SGCA: variants seen among roughly 807,000 people sequenced by gnomAD.
SGCA encodes the protein sarcoglycan alpha.
In SGCA, 34 loss-of-function variants were observed where a neutral mutation model predicts 38.1. The observed-to-expected ratio is 0.89, with a 90% CI of 0.68 to 1.19. The LOEUF is 1.19. SGCA is among the 50% of genes most tolerant of loss of function. The probability of loss-of-function intolerance (pLI) is 0.00; values close to 1 mark genes in which losing one functional copy is unlikely to be tolerated. For synonymous variants in SGCA, 209 were observed against 214.6 expected, an observed-to-expected ratio of 0.97 and a Z score of 0.23; for missense variants, 476 against 524.9, an observed-to-expected ratio of 0.91 and a Z score of 0.91.
At chr17:50,169,443 A>ACACACACC (rs902593929) in intron 6 of SGCA, 189 bp downstream of exon 6, 2 of 588,730 alleles carry the variant, frequency 3.4e-6, no homozygotes, top group South Asian at 4.1e-5. Context: ...ACACACACAC[A>ACACACACC]CACCCCTGAA....
intron 1 of SGCA, among the ~76,000 whole-genome samples, chr17:50,166,729 A>ACTTG (rs1904850898): frequency 1.0e-5 from 1 of 98,998 alleles, no homozygotes; most frequent in Non-Finnish European, 2.0e-5. Flanking sequence ...ACACACCCTC[A>ACTTG]CACACACCCT....
In SGCA at chr17:50,175,297, G is replaced by A; in HGVS notation, c.1024G>A (p.Glu342Lys). The change falls in exon 9 of 10, where the codon GAG becomes AAG. Residue 342 changes from glutamate (E) to lysine (K), a missense_variant. Physicochemically the swap from Glu to Lys is moderately conservative, Grantham distance 56. Transcript: ENST00000262018. Reference protein sequence around the residue: ...VHHCTIHGNTEELRQMAASRE... With the variant: ...VHHCTIHGNTKELRQMAASRE... ...CCACTGCACCATCCACGGGAACACAGAGGAGCTGCGGCAGATGGCGGCCAG... is the reference window on the plus strand; with the variant it reads ...CCACTGCACCATCCACGGGAACACAAAGGAGCTGCGGCAGATGGCGGCCAG... 9 of 1,608,770 alleles carry A rather than the reference G, an allele frequency of 5.6e-6. No homozygotes were observed. Among genetic ancestry groups the A allele is most frequent in the Non-Finnish European group, 7.6e-6 (9 of 1,178,210 alleles).
chr17:50,168,099 A>G (rs1283129938), intron 4 of SGCA, 80 bp downstream of exon 4: 1 of 1,373,996 alleles, frequency 7.3e-7, no homozygotes, highest in African/African-American at 1.4e-5. Flanking sequence ...GGGGCTGTGG[A>G]CAGGAGAGGC....
chr17:50,166,162 C>T, intron 1 of SGCA, 85 bp downstream of exon 1: 2 of 1,163,096 alleles, frequency 1.7e-6, no homozygotes, highest in Non-Finnish European at 2.6e-6. Context: ...GGAGGGCCCA[C>T]AGAAGAGGGA....
In SGCA at chr17:50,167,035, C is replaced by T. The variant is rs968086175; in HGVS notation, c.38-333C>T. Among the ~76,000 whole-genome samples, 1 of 137,556 alleles carries T rather than the reference C, an allele frequency of 7.3e-6. No homozygotes were observed. The highest frequency in any genetic ancestry group is 2.4e-4 in the East Asian group (1 of 4,186). 90.2% of individuals were successfully genotyped at this position (137,556 alleles called of 152,430 possible). A position where few individuals can be genotyped will look rare whatever the true frequency, so the allele number is the denominator to read the frequency against. On this transcript the variant is annotated intron_variant, in intron 1 of 9. Coordinates refer to ENST00000262018, the MANE Select transcript of SGCA (RefSeq NM_000023.4). The surrounding 1 kb of genome is among the most constrained non-coding windows in gnomAD (Gnocchi z 4.5). ...CACATACCTTCACACACACACCCCC[C>T]CACATCCCCTCACACACACACACAC...
chr17:50,169,284 G>GGT, intron 6 of SGCA, 30 bp downstream of exon 6: 2 of 1,588,644 alleles, frequency 1.3e-6, no homozygotes, highest in Non-Finnish European at 1.7e-6. Flanking sequence ...CCGGGGGTGG[G>GGT]GTGGGGCATG....
At chr17:50,169,445 A>C (rs956541888) in intron 6 of SGCA, 191 bp downstream of exon 6, 29 of 574,590 alleles carry the variant, frequency 5.0e-5, no homozygotes, top group African/African-American at 1.3e-4. Flanking sequence ...ACACACACAC[A>C]CCCCTGAAGT....
In SGCA at chr17:50,170,906, A is replaced by T. The variant is rs2696294; in HGVS notation, c.983+240A>T. ...GAGACCCCATCTCAACAAAAAAAAAATTTTTTAACTAGCCAGGCGTGGTGG... is the reference window on the plus strand; with the variant it reads ...GAGACCCCATCTCAACAAAAAAAAATTTTTTTAACTAGCCAGGCGTGGTGG... On this transcript the variant is annotated intron_variant, in intron 8 of 9. Transcript: ENST00000262018. Among the ~76,000 whole-genome samples the T allele has an allele frequency of 0.96, 145,893 of 152,200 alleles. 70,205 individuals are homozygous for T. The highest frequency in any genetic ancestry group is 1 in the Non-Finnish European group (67,941 of 68,006).
At chr17:50,168,940 T>C in intron 5 of SGCA, 152 bp from the exon 6 acceptor site, 2 of 735,432 alleles carry the variant, frequency 2.7e-6, no homozygotes, top group South Asian at 1.5e-5. Context: ...AGCTGTGCCA[T>C]GTTCCTCCCT....
Position 50,170,346 on chromosome 17 carries a change from G to A in SGCA, c.951G>A (p.Glu317=). ...LLAYVMCCRR[E]GRLKRDLATS... ...CCTATGTCATGTGCTGCCGGCGGGAGGGAAGGTGAATGTGGGCATGAAGGG... is the reference window on the plus strand; with the variant it reads ...CCTATGTCATGTGCTGCCGGCGGGAAGGAAGGTGAATGTGGGCATGAAGGG... Residue 317 remains glutamate (E), a synonymous_variant, in exon 7 of 10, where the codon GAG becomes GAA. Coordinates refer to ENST00000262018, the MANE Select transcript of SGCA (RefSeq NM_000023.4). 2 of 1,613,404 alleles carry A rather than the reference G, an allele frequency of 1.2e-6. No homozygotes were observed. The highest frequency in any genetic ancestry group is 8.5e-7 in the Non-Finnish European group (1 of 1,179,364).
At chr17:50,166,236 A>T in intron 1 of SGCA, 159 bp downstream of exon 1, 2 of 686,682 alleles carry the variant, frequency 2.9e-6, no homozygotes, top group Non-Finnish European at 2.7e-6. Flanking sequence ...CCAGCTGGGG[A>T]TCCAGGGAAT....
At position 50,170,260 on chromosome 17, in the gene SGCA, G is replaced by T; in HGVS notation, c.865G>T (p.Asp289Tyr). 6.2e-7 allele frequency: 1 copy of T among 1,614,216 alleles called. No homozygotes were observed. The highest frequency in any genetic ancestry group is 8.5e-7 in the Non-Finnish European group (1 of 1,180,042). The change falls in exon 7 of 10, where the codon GAT becomes TAT. Residue 289 changes from aspartate to tyrosine, a missense_variant. Asp to Tyr is a radical substitution (Grantham distance 160). Coordinates refer to ENST00000262018, the MANE Select transcript of SGCA (RefSeq NM_000023.4). ...TEAPDRDFLV[D>Y]ALVTLLVPLL... Reference sequence around the variant, plus strand: ...GGCCCCAGACCGTGACTTCTTGGTGGATGCTCTGGTCACCCTCCTGGTGCC... The same window carrying T: ...GGCCCCAGACCGTGACTTCTTGGTGTATGCTCTGGTCACCCTCCTGGTGCC...
At position 50,175,332 on chromosome 17, in the gene SGCA, G is replaced by T; in HGVS notation, c.1059G>T (p.Val353=). ...ELRQMAASRE[V]PRPLSTLPMF... ...GGCAGATGGCGGCCAGCCGCGAGGT[G>T]CCCCGGCCACTCTCCACCCTGCCCA... Residue 353 remains valine (V), a synonymous_variant, in exon 9 of 10, where the codon GTG becomes GTT. Coordinates refer to ENST00000262018, the MANE Select transcript of SGCA (RefSeq NM_000023.4). 1 of 1,610,466 alleles carries T rather than the reference G, an allele frequency of 6.2e-7. No individual in the cohort carries two copies.
rs746116353 is a variant in SGCA, at chr17:50,167,343, T to C, written c.38-25T>C. 6.2e-7 allele frequency: 1 copy of C among 1,613,954 alleles called. No homozygotes were observed. The highest frequency in any genetic ancestry group is 1.1e-5 in the South Asian group (1 of 91,066). On this transcript the variant is annotated intron_variant, in intron 1 of 9. Transcript: ENST00000262018. This position sits in a 1 kb window ranked among gnomAD's most constrained non-coding sequence, Gnocchi z 4.5. The stretch of plus-strand genomic sequence containing the variant: ...CCCAGGACTGAGGCTGGCCTGTGTG[T>C]TTGGGACTTGTGGGGTCCCCACAGT...
intron 8 of SGCA, among the ~76,000 whole-genome samples, chr17:50,174,778 G>A (rs931746865): frequency 6.6e-6 from 1 of 152,206 alleles, no homozygotes; most frequent in South Asian, 2.1e-4. Flanking sequence ...TGACCACTGG[G>A]CACTGAGCAG....
chr17:50,172,688 C>T (rs1415180695), intron 8 of SGCA, among the ~76,000 whole-genome samples: 1 of 152,172 alleles, frequency 6.6e-6, no homozygotes, highest in Non-Finnish European at 1.5e-5. Context: ...TCTTGACCCA[C>T]TGGGTTTTTG....
Position 50,169,238 on chromosome 17 carries a change from G to T in SGCA, c.731G>T (p.Trp244Leu). ...DTLAPHFRVD[W>L]CNVTLVDKSV... ...TTGGCACCCCACTTCCGCGTTGACT[G>T]GTGCAATGTGACCCTGGTGAGGAGG... The change falls in exon 6 of 10, where the codon TGG becomes TTG. Residue 244 changes from tryptophan (W) to leucine (L), a missense_variant. Transcript: ENST00000262018. The T allele has an allele frequency of 6.2e-7, 1 of 1,613,400 alleles. No individual in the cohort carries two copies. The highest frequency in any genetic ancestry group is 1.3e-5 in the African/African-American group (1 of 75,002).
chr17:50,167,633 C>G lies in SGCA; in HGVS notation c.209C>G (p.Pro70Arg), dbSNP rs1555568318. 6.2e-7 allele frequency: 1 copy of G among 1,613,946 alleles called. No homozygotes were observed. Among genetic ancestry groups the G allele is most frequent in the Non-Finnish European group, 8.5e-7 (1 of 1,180,008 alleles). ...ITYHAHLQGH[P>R]DLPRWLRYTQ... is the part of the protein sequence containing the mutation. ...TACCACGCCCACCTCCAGGGACACC[C>G]AGACCTGCCCCGGTGGCTCCGCTAC... Residue 70 changes from proline (P) to arginine (R), a missense_variant, in exon 3 of 10, where the codon CCA becomes CGA. Transcript: ENST00000262018. This position sits in a 1 kb window ranked among gnomAD's most constrained non-coding sequence, Gnocchi z 4.5.
chr17:50,171,942 C>T (rs1264198171), intron 8 of SGCA: 3 of 456,766 alleles, frequency 6.6e-6, no homozygotes, highest in Non-Finnish European at 1.3e-5. Flanking sequence ...TTGCTAGGGA[C>T]ACGCTGCCCT....
Sources: gnomAD v4.1 joint callset for allele counts (sites outside exome capture counted in the v4.1 genomes callset) on GRCh38, gnomAD v4.1.1 for gene constraint, Gnocchi (gnomAD v3.1) non-coding constraint, MANE v1.5 for transcripts, NCBI Gene and HGNC (gene_info 2026-07-23, HGNC 2026-07-21) for gene names.